The following BTAF1 variants were observed in gnomAD, a reference collection of about 807,000 sequenced individuals.
BTAF1 encodes the protein B-TFIID TATA-box binding protein associated factor 1.
In BTAF1, 38 loss-of-function variants were observed where a neutral mutation model predicts 227.1. The observed-to-expected ratio is 0.17, with a 90% confidence interval of 0.13 to 0.22. The LOEUF is 0.22. BTAF1 is among the 10% of genes least tolerant of loss of function. The pLI is 1.00. For synonymous variants in BTAF1, 742 were observed against 751.9 expected (o/e 0.99, Z 0.21); for missense variants, 1,598 against 2,204.0 (o/e 0.73, Z 5.51).
intron 14 of BTAF1, among the ~76,000 whole-genome samples, chr10:91,974,327 A>G (rs1847531176): frequency 6.6e-6 from 1 of 152,202 alleles, no homozygotes; most frequent in Admixed American, 6.5e-5. Flanking sequence ...TTATTTTTAA[A>G]AGGTATCCAT....
At chr10:92,001,204 G>A (rs1056958800) in intron 25 of BTAF1, among the ~76,000 whole-genome samples, 1 of 152,220 alleles carries the variant, frequency 6.6e-6, no homozygotes, top group Non-Finnish European at 1.5e-5. Flanking sequence ...GTCTTGCTGA[G>A]CTGAAGAGTT....
chr10:91,982,031 A>G (rs1164724328), intron 16 of BTAF1, 52 bp from the exon 17 acceptor site: 7 of 1,556,726 alleles, frequency 4.5e-6, no homozygotes, highest in Non-Finnish European at 6.1e-6. Flanking sequence ...GTTGTTGCCT[A>G]TTCAGTTTTA....
At position 91,929,836 on chromosome 10, in the gene BTAF1, G is replaced by A. The variant is rs185682117; in HGVS notation, c.14+5746G>A. ...TCCCAAATGCTGGGATTACAAGCAT[G>A]AGCCACCTCACCTGGCCCTTATTGT... On this transcript the variant is annotated intron_variant, in intron 1 of 37. Coordinates refer to ENST00000265990, the MANE Select transcript of BTAF1 (RefSeq NM_003972.3). Among the ~76,000 whole-genome samples, 1,167 of 152,130 alleles carry A rather than the reference G, an allele frequency of 7.7e-3. 8 individuals are homozygous for A. Among genetic ancestry groups the A allele is most frequent in the Non-Finnish European group, 0.013 (862 of 68,012 alleles).
At chr10:91,975,774 G>A (rs1038613761) in intron 14 of BTAF1, among the ~76,000 whole-genome samples, 2 of 152,184 alleles carry the variant, frequency 1.3e-5, no homozygotes, top group Non-Finnish European at 2.9e-5. Flanking sequence ...AAGAGGGACC[G>A]TAACAAAAGG....
intron 25 of BTAF1, among the ~76,000 whole-genome samples, chr10:92,000,555 T>C (rs1359878267): frequency 6.6e-6 from 1 of 152,084 alleles, no homozygotes; most frequent in Non-Finnish European, 1.5e-5. Context: ...TCTTGGTTGT[T>C]TTTTGTTTGG....
At chr10:91,971,653 G>GT (rs1847316603) in intron 14 of BTAF1, among the ~76,000 whole-genome samples, 2 of 151,700 alleles carry the variant, frequency 1.3e-5, no homozygotes, top group Non-Finnish European at 2.9e-5. Flanking sequence ...TGTATTTTTA[G>GT]TAGAGACAGG....
chr10:91,932,268 G>T (rs886404087), intron 1 of BTAF1, among the ~76,000 whole-genome samples: 1 of 152,138 alleles, frequency 6.6e-6, no homozygotes, highest in Non-Finnish European at 1.5e-5. Flanking sequence ...TGCTATTTGG[G>T]ACAAGCGTAA....
intron 25 of BTAF1, among the ~76,000 whole-genome samples, chr10:92,002,069 A>G (rs531132628): frequency 2.2e-4 from 34 of 152,094 alleles, no homozygotes; most frequent in African/African-American, 8.2e-4. Context: ...GAGCACAATG[A>G]AAAATATAAG....
chr10:92,013,615 G>C, intron 30 of BTAF1, 52 bp from the exon 31 acceptor site: 1 of 1,608,568 alleles, frequency 6.2e-7, no homozygotes, highest in South Asian at 1.1e-5. Context: ...TACTTTTTTA[G>C]TTGTAAGGAA....
intron 6 of BTAF1, among the ~76,000 whole-genome samples, chr10:91,955,088 C>T (rs1006147959): frequency 1.3e-5 from 2 of 152,176 alleles, no homozygotes; most frequent in Middle Eastern, 3.2e-3. Flanking sequence ...GAAATTTATA[C>T]TTGAGGGTAA....
intron 28 of BTAF1, among the ~76,000 whole-genome samples, chr10:92,010,511 T>C (rs572924813): frequency 2.0e-5 from 3 of 152,324 alleles, no homozygotes; most frequent in South Asian, 4.1e-4. Flanking sequence ...ATTGTTACTA[T>C]TGGGCTTCAG....
chr10:92,030,636 C>CAGAT lies in BTAF1; in HGVS notation c.*1707_*1710dup, dbSNP rs971151324. On this transcript the variant is annotated 3_prime_UTR_variant, in exon 38 of 38. Transcript: ENST00000265990. ...AGTACTTTTTCCCAATCTGAAATGT[C>CAGAT]AGATAGAGCTAGAAGTCAGATATTT... 6.3e-5 allele frequency among the ~76,000 whole-genome samples: 9 copies of CAGAT among 141,870 alleles called. No individual in the cohort carries two copies. The highest frequency in any genetic ancestry group is 2.2e-4 in the African/African-American group (9 of 40,996). The allele number at this position is 141,870 out of a possible 152,430, so 93.1% of individuals were successfully genotyped here.
chr10:91,961,352 T>C (rs760153172), intron 11 of BTAF1, among the ~76,000 whole-genome samples: 1 of 152,228 alleles, frequency 6.6e-6, no homozygotes, highest in Non-Finnish European at 1.5e-5. Flanking sequence ...TTGTGCCAGC[T>C]TTTCTTCTCT....
intron 25 of BTAF1, among the ~76,000 whole-genome samples, chr10:92,000,781 T>C (rs977382476): frequency 2.0e-5 from 3 of 152,200 alleles, no homozygotes; most frequent in African/African-American, 7.2e-5. Context: ...CTCGAACTGC[T>C]GGCCTTAGGT....
rs987928011 is a variant in BTAF1 at position 91,923,913 on chromosome 10, G to A, written c.-164G>A. ...GCCGCGGGGACGAGCTCGGGTAGGC[G>A]GCAGGGCAGATGCCCGAGGGCCTGC... is the stretch of plus-strand genomic sequence containing the variant. On this transcript the variant is annotated 5_prime_UTR_variant, in exon 1 of 38. Coordinates refer to ENST00000265990, the MANE Select transcript of BTAF1 (RefSeq NM_003972.3). The A allele has an allele frequency of 2.5e-6, 2 of 797,222 alleles. No homozygotes were observed. The highest frequency in any genetic ancestry group is 3.6e-6 in the Non-Finnish European group (2 of 555,908). 49.4% of individuals were successfully genotyped at this position (797,222 alleles called of 1,614,324 possible).
At chr10:91,993,991 TA>T (rs1311759051) in intron 22 of BTAF1, 144 bp downstream of exon 22, 39 of 606,482 alleles carry the variant, frequency 6.4e-5, no homozygotes, top group Non-Finnish European at 7.5e-5. Context: ...AAACTTGGTT[TA>T]AAAAAAACAC....
At chr10:91,951,367 T>C in intron 4 of BTAF1, 36 bp from the exon 5 acceptor site, 1 of 1,588,772 alleles carries the variant, frequency 6.3e-7, no homozygotes, top group African/African-American at 1.4e-5. Flanking sequence ...ACTTCTTAAC[T>C]GATTTGGAGA....
Position 92,024,809 on chromosome 10 carries a change from G to A in BTAF1, c.4917G>A (p.Glu1639=). The A allele has an allele frequency of 1.9e-6, 3 of 1,613,262 alleles. No individual in the cohort carries two copies. The highest frequency in any genetic ancestry group is 4.5e-5 in the East Asian group (2 of 44,826). ...GNGSTSESGT[E]SVVAQHRILI... is the part of the protein sequence containing the mutation. Reference sequence around the variant, plus strand: ...GCAGCACTTCCGAGAGTGGCACAGAGTCTGTTGTGGCCCAGCACAGGATAC... The same window carrying A: ...GCAGCACTTCCGAGAGTGGCACAGAATCTGTTGTGGCCCAGCACAGGATAC... Residue 1639 remains glutamate (E), a synonymous_variant, in exon 35 of 38, where the codon GAG becomes GAA. Transcript: ENST00000265990.
chr10:91,995,564 T>G (rs1030154560), intron 23 of BTAF1, among the ~76,000 whole-genome samples: 2 of 151,512 alleles, frequency 1.3e-5, no homozygotes, highest in Non-Finnish European at 2.9e-5. Context: ...TAGTCCCAGG[T>G]ACTTGGGAGG....
Sources: allele counts gnomAD v4.1 joint callset (sites outside exome capture counted in the v4.1 genomes callset), GRCh38; gene constraint gnomAD v4.1.1; transcripts MANE v1.5; gene names NCBI Gene and HGNC (gene_info 2026-07-23, HGNC 2026-07-21).